HUWE1: variants seen among roughly 807,000 people sequenced by gnomAD.
HUWE1 encodes the protein E3 ubiquitin-protein ligase HUWE1.
Under a neutral mutation model 299.4 loss-of-function variants are expected in HUWE1, and 18 were observed. The ratio of observed to expected loss-of-function variants is 0.06; its 90% CI spans 0.04 to 0.09. The LOEUF (loss-of-function observed/expected upper bound fraction) is 0.09. Among genes scored for constraint, HUWE1 ranks in the 10% least tolerant of loss-of-function variants. The probability of loss-of-function intolerance (pLI) is 1.00; values close to 1 mark genes in which losing one functional copy is unlikely to be tolerated. For synonymous variants in HUWE1, 1,317 were observed against 1,286.1 expected (o/e 1.02, Z -0.51); for missense variants, 1,832 against 3,462.3 (o/e 0.53, Z 11.82).
chrX:53,578,902 T>G (rs1220847896), intron 43 of HUWE1, among the ~76,000 whole-genome samples: 2 of 41,338 alleles, frequency 4.8e-5, no homozygotes, highest in Non-Finnish European at 8.7e-5. Context: ...GGGAGGGAGG[T>G]GGGGGGATCA....
chrX:53,656,542 C>CAAA (rs1275218246), intron 3 of HUWE1, among the ~76,000 whole-genome samples: 17 of 13,701 alleles, frequency 1.2e-3, no homozygotes, highest in African/African-American at 2.9e-3. Context: ...ACTCCAGTCT[C>CAAA]AAAAAAAAAA....
chrX:53,555,582 C>T (rs1262813616), intron 60 of HUWE1, among the ~76,000 whole-genome samples: 1 of 110,343 alleles, frequency 9.1e-6, no homozygotes, highest in Admixed American at 9.7e-5. Context: ...CCACCTCGGC[C>T]TCCCAAAGTG....
intron 3 of HUWE1, among the ~76,000 whole-genome samples, chrX:53,668,271 G>A (rs1189508546): frequency 4.6e-5 from 5 of 109,214 alleles, no homozygotes; most frequent in Non-Finnish European, 7.6e-5. Context: ...GTGAAACCCC[G>A]TCTCTACTAA....
intron 3 of HUWE1, among the ~76,000 whole-genome samples, chrX:53,672,406 G>A (rs781839537): frequency 9.2e-5 from 10 of 108,921 alleles, no homozygotes; most frequent in Non-Finnish European, 1.5e-4. Context: ...GGGACTACAG[G>A]TGCCACCACA....
chrX:53,562,315 G>C (rs956471980), intron 53 of HUWE1, 71 bp from the exon 54 acceptor site: 4 of 1,145,964 alleles, frequency 3.5e-6, no homozygotes, highest in Admixed American at 4.8e-5. Context: ...CAGGCCAGCA[G>C]GCTGAGTGGG....
intron 3 of HUWE1, among the ~76,000 whole-genome samples, chrX:53,677,572 C>T (rs1371400457): frequency 3.1e-5 from 3 of 97,307 alleles, no homozygotes; most frequent in Admixed American, 1.2e-4. Flanking sequence ...GTCAGAATGC[C>T]GTAATAAAGA....
intron 42 of HUWE1, among the ~76,000 whole-genome samples, chrX:53,583,039 G>C (rs2063697728): frequency 8.9e-6 from 1 of 112,231 alleles, no homozygotes. Flanking sequence ...CCACTGGTTT[G>C]TAAGTTTCCT....
chrX:53,613,733 A>G (rs988806012), intron 23 of HUWE1, among the ~76,000 whole-genome samples: 11 of 111,879 alleles, frequency 9.8e-5, no homozygotes, highest in Non-Finnish European at 5.6e-5. Context: ...GAACGAACAG[A>G]TAGTAACAAA....
chrX:53,582,853 C>G (rs886160340), intron 42 of HUWE1, among the ~76,000 whole-genome samples: 1 of 110,586 alleles, frequency 9.0e-6, no homozygotes, highest in Non-Finnish European at 1.9e-5. Context: ...CTCTGCCTCC[C>G]AAGTAGCTGG....
intron 3 of HUWE1, among the ~76,000 whole-genome samples, chrX:53,655,597 C>G (rs1470725916): frequency 8.9e-6 from 1 of 112,160 alleles, no homozygotes; most frequent in Non-Finnish European, 1.9e-5. Flanking sequence ...CAACAGGATT[C>G]TGGCAACAAT....
At position 53,661,598 on chromosome X, in the gene HUWE1, G is replaced by C. The variant is rs782525122; in HGVS notation, c.-24-7467C>G. ...AAAAAAAATCCTTCCATAAAAATAAGTTAGTTTGAAACAAATTCCTAGAAA... is the reference window on the plus strand; with the variant it reads ...AAAAAAAATCCTTCCATAAAAATAACTTAGTTTGAAACAAATTCCTAGAAA... On this transcript the variant is annotated intron_variant, in intron 3 of 83. Transcript: ENST00000262854. Among the ~76,000 whole-genome samples the C allele has an allele frequency of 8.1e-5, 9 of 111,657 alleles. 1 individual carries two copies. Among genetic ancestry groups the C allele is most frequent in the Middle Eastern group, 9.3e-3 (2 of 216 alleles).
chrX:53,627,573 TC>T, intron 16 of HUWE1, 58 bp from the exon 17 acceptor site: 1 of 732,484 alleles, frequency 1.4e-6, no homozygotes. Flanking sequence ...ATTTTTTTTT[TC>T]AGGGATTAAA....
At chrX:53,542,848 TGTG>T (rs2061402932) in intron 73 of HUWE1, 6 of 34,668 alleles carry the variant, frequency 1.7e-4, no homozygotes, top group East Asian at 4.3e-4. Flanking sequence ...TCTTCTGTTG[TGTG>T]TGTGTGTGTG....
At chrX:53,555,006 T>G in intron 60 of HUWE1, 86 bp from the exon 61 acceptor site, 1 of 710,097 alleles carries the variant, frequency 1.4e-6, no homozygotes. Context: ...TGTGGCCTGA[T>G]AAGTATCCCA....
chrX:53,603,341 T>C lies in HUWE1; in HGVS notation c.2876+27A>G, dbSNP rs782212509. 1.1e-5 allele frequency: 13 copies of C among 1,199,142 alleles called. No homozygotes were observed. In the African/African-American group the frequency reaches 2.3e-4, roughly 21 times the overall value. On this transcript the variant is annotated intron_variant, in intron 27 of 83. Transcript: ENST00000262854. ...GGCTCACCGAACTTAGATAACAAAG[T>C]AATAAGAGAGAGAGCCATTCTCTTA...
intron 65 of HUWE1, 44 bp from the exon 66 acceptor site, chrX:53,550,812 A>G: frequency 8.4e-7 from 1 of 1,195,869 alleles, no homozygotes; most frequent in Middle Eastern, 2.3e-4. Flanking sequence ...GAGAGGGTGT[A>G]AACTGGATAT....
intron 47 of HUWE1, among the ~76,000 whole-genome samples, chrX:53,572,384 G>A (rs1013501350): frequency 3.6e-5 from 4 of 111,690 alleles, no homozygotes; most frequent in Non-Finnish European, 7.5e-5. Flanking sequence ...AGGAAAAACA[G>A]ACTATTTAAG....
rs2061160782 is a variant in HUWE1 at position 53,538,365 on chromosome X, G to A, written c.11968C>T (p.Arg3990Cys). ...GPFAVLVDYI[R>C]VLDFDVKRKY... ...CGCTTGACATCAAAGTCGAGGACAC[G>A]AATGTAGTCTACCAGGACAGCAAAA... Residue 3990 changes from arginine to cysteine, a missense_variant, in exon 77 of 84, where the codon CGT (arginine) becomes TGT (cysteine). By Grantham distance (180) the Arg-to-Cys change is radical. Coordinates refer to ENST00000262854, the MANE Select transcript of HUWE1 (RefSeq NM_031407.7). 8.3e-7 allele frequency: 1 copy of A among 1,203,829 alleles called. No individual in the cohort carries two copies. The highest frequency in any genetic ancestry group is 1.1e-6 in the Non-Finnish European group (1 of 890,162).
intron 73 of HUWE1, among the ~76,000 whole-genome samples, chrX:53,543,383 G>T (rs1277977448): frequency 9.0e-6 from 1 of 110,880 alleles, no homozygotes; most frequent in African/African-American, 3.3e-5. Context: ...GGTGCCAAGG[G>T]ATTATGGAGA....
Sources: allele counts gnomAD v4.1 joint callset (sites outside exome capture counted in the v4.1 genomes callset), GRCh38; gene constraint gnomAD v4.1.1; transcripts MANE v1.5; gene names NCBI Gene and HGNC (gene_info 2026-07-23, HGNC 2026-07-21).